SLC22A9: variants seen among roughly 807,000 people sequenced by gnomAD.
SLC22A9 encodes organic anion transporter 7.
SLC22A9 carries 64 observed loss-of-function variants against 50.1 expected under a neutral mutation model. The ratio of observed to expected loss-of-function variants is 1.28; its 90% confidence interval spans 1.04 to 1.57. SLC22A9 has a LOEUF of 1.57. Ranked by LOEUF, SLC22A9 falls within the 40% of genes most tolerant of loss-of-function variation. The pLI, the probability that SLC22A9 is intolerant of heterozygous loss-of-function variation, is 0.00. For missense variants in SLC22A9, 757 were observed against 676.1 expected, an observed-to-expected ratio of 1.12 and a Z score of -1.33; for synonymous variants, 261 against 242.5, an observed-to-expected ratio of 1.08 and a Z score of -0.71.
At chr11:63,376,764 T>TA (rs376461006) in intron 5 of SLC22A9, among the ~76,000 whole-genome samples, 39 of 146,970 alleles carry the variant, frequency 2.7e-4, no homozygotes, top group Middle Eastern at 3.5e-3. Context: ...CAAGTTGGAT[T>TA]AAAAAAAAAA....
At chr11:63,394,518 T>A (rs1374757463) in intron 6 of SLC22A9, among the ~76,000 whole-genome samples, 1 of 152,164 alleles carries the variant, frequency 6.6e-6, no homozygotes, top group African/African-American at 2.4e-5. Context: ...TCTTGGCTGA[T>A]AATTGTTTTG....
rs572994812 is a variant in SLC22A9 at position 63,406,507 on chromosome 11, T to C, written c.1084T>C (p.Phe362Leu). ...SLLSFTRFAN[F>L]MAYFGLNLHV... Reference sequence around the variant, plus strand: ...TTTTAATCATCACAGATTTGCAAACTTTATGGCCTATTTTGGCCTTAATCT... The same window carrying C: ...TTTTAATCATCACAGATTTGCAAACCTTATGGCCTATTTTGGCCTTAATCT... Residue 362 changes from phenylalanine (F) to leucine (L), a missense_variant, in exon 7 of 10, where the codon TTT becomes CTT. By Grantham distance (22) the Phe-to-Leu change is conservative. Transcript: ENST00000279178. 8.7e-6 allele frequency: 14 copies of C among 1,613,590 alleles called. No homozygotes were observed. The South Asian group carries it at 1.2e-4, about 14-fold the overall frequency.
At chr11:63,409,550 G>A (rs1460064210) in intron 9 of SLC22A9, among the ~76,000 whole-genome samples, 1 of 152,098 alleles carries the variant, frequency 6.6e-6, no homozygotes, top group Non-Finnish European at 1.5e-5. Flanking sequence ...TGGGCCATAG[G>A]CTGGACAAGC....
At position 63,373,813 on chromosome 11, in the gene SLC22A9, T is replaced by G; in HGVS notation, c.661+15T>G. 3 of 1,605,050 alleles carry G rather than the reference T, an allele frequency of 1.9e-6. No homozygotes were observed. In the South Asian group the frequency reaches 3.3e-5, roughly 18 times the overall value. On this transcript the variant is annotated intron_variant, in intron 3 of 9. Transcript: ENST00000279178. ...TATTATGTTAAGTAAGCCAACACTT[T>G]GGATCCACATTTTCCAAACTGTGAC...
At chr11:63,406,734 A>G in intron 7 of SLC22A9, 23 bp downstream of exon 7, 1 of 1,609,768 alleles carries the variant, frequency 6.2e-7, no homozygotes. Context: ...CACAGGTGGA[A>G]GAGAGAAATG....
At chr11:63,372,998 T>C (rs571505217) in intron 2 of SLC22A9, among the ~76,000 whole-genome samples, 1 of 152,276 alleles carries the variant, frequency 6.6e-6, no homozygotes, top group African/African-American at 2.4e-5. Context: ...TTTGATACAA[T>C]GCCAATGACA....
intron 6 of SLC22A9, among the ~76,000 whole-genome samples, chr11:63,388,216 G>T (rs1241811038): frequency 6.6e-6 from 1 of 152,116 alleles, no homozygotes; most frequent in African/African-American, 2.4e-5. Flanking sequence ...TTGAATAACA[G>T]AGATGACAGT....
chr11:63,398,631 C>T (rs1253994348), intron 6 of SLC22A9, among the ~76,000 whole-genome samples: 1 of 151,590 alleles, frequency 6.6e-6, no homozygotes, highest in African/African-American at 2.4e-5. Flanking sequence ...CAAAGTCCCA[C>T]AATCACTGTG....
At chr11:63,395,925 G>A (rs575410959) in intron 6 of SLC22A9, among the ~76,000 whole-genome samples, 2 of 152,222 alleles carry the variant, frequency 1.3e-5, no homozygotes, top group East Asian at 1.9e-4. Context: ...CAAAGGAGTT[G>A]TGTATTTAGG....
At chr11:63,404,244 A>G (rs2014999911) in intron 6 of SLC22A9, among the ~76,000 whole-genome samples, 1 of 123,378 alleles carries the variant, frequency 8.1e-6, no homozygotes, top group Admixed American at 8.0e-5. Flanking sequence ...GATTTCACTT[A>G]TATGAGATAT....
chr11:63,370,363 G>A lies in SLC22A9; in HGVS notation c.307G>A (p.Gly103Arg). 2 of 1,613,990 alleles carry A rather than the reference G, an allele frequency of 1.2e-6. No individual in the cohort carries two copies. The highest frequency in any genetic ancestry group is 1.7e-6 in the Non-Finnish European group (2 of 1,179,882). Residue 103 changes from glycine (G) to arginine (R), a missense_variant, in exon 1 of 10, where the codon GGG (glycine) becomes AGG (arginine). Physicochemically the swap from Gly to Arg is moderately radical, Grantham distance 125. Coordinates refer to ENST00000279178, the MANE Select transcript of SLC22A9 (RefSeq NM_080866.3). The part of the protein sequence containing the change: ...HPQWQLLHLN[G>R]TFPNTSDADM... ...TCAGTGGCAGCTCCTTCACCTGAAT[G>A]GGACCTTCCCCAACACAAGTGACGC...
Position 63,374,063 on chromosome 11 carries a change from G to A in SLC22A9, c.830+1G>A, listed in dbSNP as rs937670754. 6 of 1,602,428 alleles carry A rather than the reference G, an allele frequency of 3.7e-6. No homozygotes were observed. The highest frequency in any genetic ancestry group is 1.3e-5 in the African/African-American group (1 of 74,332). ...ACTTTGTGATCTTTCTGACCTCAAG[G>A]TATGAGTTTGTTTCTTCTTTTGTCT... is the stretch of plus-strand genomic sequence containing the variant. On this transcript the variant is annotated splice_donor_variant, in intron 4 of 9. Transcript: ENST00000279178. LOFTEE classifies it high-confidence loss of function.
At position 63,373,932 on chromosome 11, in the gene SLC22A9, A is replaced by G. The variant is rs1225646734; in HGVS notation, c.700A>G (p.Ile234Val). Residue 234 changes from isoleucine to valine, a missense_variant, in exon 4 of 10, where the codon ATT becomes GTT. Transcript: ENST00000279178. ...AACACACAGATTCCAGGCCATGGGAATTACATTGGGAATGTGCCCTTCTGG... is the reference window on the plus strand; with the variant it reads ...AACACACAGATTCCAGGCCATGGGAGTTACATTGGGAATGTGCCCTTCTGG... ...WATHRFQAMGITLGMCPSGIA... is the reference protein window; with the variant it reads ...WATHRFQAMGVTLGMCPSGIA... 2 of 1,613,680 alleles carry G rather than the reference A, an allele frequency of 1.2e-6. No homozygotes were observed. Among genetic ancestry groups the G allele is most frequent in the Admixed American group, 3.3e-5 (2 of 59,918 alleles).
intron 5 of SLC22A9, among the ~76,000 whole-genome samples, chr11:63,380,594 T>C (rs2014542857): frequency 6.6e-6 from 1 of 152,148 alleles, no homozygotes; most frequent in African/African-American, 2.4e-5. Context: ...GAAAACTAAA[T>C]ACCACATGTT....
chr11:63,377,384 G>C (rs1198659587), intron 5 of SLC22A9, among the ~76,000 whole-genome samples: 3 of 152,008 alleles, frequency 2.0e-5, no homozygotes, highest in African/African-American at 7.2e-5. Context: ...ATAAAAGAGA[G>C]ATCAATATGA....
chr11:63,379,705 G>A (rs1009393554), intron 5 of SLC22A9, among the ~76,000 whole-genome samples: 1 of 152,078 alleles, frequency 6.6e-6, no homozygotes, highest in Non-Finnish European at 1.5e-5. Flanking sequence ...AATGGCCAAA[G>A]CACATGAACA....
At chr11:63,378,976 C>T (rs764099592) in intron 5 of SLC22A9, among the ~76,000 whole-genome samples, 13 of 152,064 alleles carry the variant, frequency 8.5e-5, no homozygotes, top group Non-Finnish European at 1.6e-4. Context: ...CTGTTCCTAT[C>T]AAACTACCAA....
chr11:63,398,184 G>T (rs2014892802), intron 6 of SLC22A9, among the ~76,000 whole-genome samples: 2 of 152,242 alleles, frequency 1.3e-5, no homozygotes, highest in Admixed American at 6.5e-5. Flanking sequence ...TGTCATCTGG[G>T]AGCTACATCC....
intron 5 of SLC22A9, among the ~76,000 whole-genome samples, chr11:63,378,909 T>C (rs940868269): frequency 4.6e-5 from 7 of 152,106 alleles, no homozygotes; most frequent in African/African-American, 1.4e-4. Flanking sequence ...CTCATGGATA[T>C]GAAGAATCAA....
Sources: allele counts gnomAD v4.1 joint callset (sites outside exome capture counted in the v4.1 genomes callset), GRCh38; gene constraint gnomAD v4.1.1; transcripts MANE v1.5; gene names NCBI Gene and HGNC (gene_info 2026-07-23, HGNC 2026-07-21).